The following RGS6 variants were observed in gnomAD, a reference collection of about 807,000 sequenced individuals.
The protein encoded by RGS6 is regulator of G protein signaling 6.
RGS6 carries 30 observed loss-of-function variants against 78.5 expected under a neutral mutation model. That is an observed-to-expected ratio of 0.38 (90% CI 0.29 to 0.52). The LOEUF is 0.52. RGS6 is among the 20% of genes least tolerant of loss of function. RGS6 has a pLI of 0.85. For missense variants in RGS6, 495 were observed against 609.7 expected, an observed-to-expected ratio of 0.81 and a Z score of 1.98; for synonymous variants, 206 against 206.0, an observed-to-expected ratio of 1.00 and a Z score of 0.00.
At chr14:72,560,309 G>C (rs1403124447) in intron 17 of RGS6, among the ~76,000 whole-genome samples, 1 of 152,196 alleles carries the variant, frequency 6.6e-6, no homozygotes, top group Non-Finnish European at 1.5e-5. Flanking sequence ...CTTCCTTTGT[G>C]CCTTTCATAG....
At chr14:72,585,055 C>CA in the RGS6 span, among the ~76,000 whole-genome samples, 18,442 of 148,386 alleles carry the variant, frequency 0.12, 3,304 homozygotes, top group African/African-American at 0.39. Flanking sequence ...TCTTCATTTC[C>CA]AAAAAAAAAT....
chr14:72,096,081 C>A (rs1450112202), intron 2 of RGS6, among the ~76,000 whole-genome samples: 1 of 151,980 alleles, frequency 6.6e-6, no homozygotes, highest in African/African-American at 2.4e-5. Context: ...CCAGCCTGGC[C>A]AACATGGTGA....
chr14:72,373,846 A>G (rs1165678708), intron 3 of RGS6, among the ~76,000 whole-genome samples: 1 of 152,050 alleles, frequency 6.6e-6, no homozygotes, highest in African/African-American at 2.4e-5. Flanking sequence ...CTCAGTAAAG[A>G]TTTAATGATG....
chr14:72,473,270 C>G (rs1375166296), intron 9 of RGS6, among the ~76,000 whole-genome samples: 1 of 152,126 alleles, frequency 6.6e-6, no homozygotes, highest in Non-Finnish European at 1.5e-5. Flanking sequence ...GGTGAAACCC[C>G]GTCGCTACTA....
intron 17 of RGS6, chr14:72,550,555 C>A: frequency 6.5e-7 from 1 of 1,535,668 alleles, no homozygotes. Flanking sequence ...ACACTTAACC[C>A]AACCTTGTAA....
At chr14:72,503,315 C>G (rs906299869) in intron 13 of RGS6, among the ~76,000 whole-genome samples, 5 of 152,180 alleles carry the variant, frequency 3.3e-5, no homozygotes, top group African/African-American at 1.2e-4. Flanking sequence ...CTCAAGATCC[C>G]CAGAATTTAT....
chr14:71,999,698 T>G (rs1196555549), intron 2 of RGS6, among the ~76,000 whole-genome samples: 1 of 152,126 alleles, frequency 6.6e-6, no homozygotes, highest in Non-Finnish European at 1.5e-5. Flanking sequence ...TGTTTAAAAG[T>G]GTGTAGCACT....
intron 1 of RGS6, among the ~76,000 whole-genome samples, chr14:71,935,529 G>T (rs2088961728): frequency 6.6e-6 from 1 of 152,076 alleles, no homozygotes; most frequent in African/African-American, 2.4e-5. Flanking sequence ...TTTTACTGGT[G>T]GTCCTTATTT....
At chr14:72,414,158 G>A (rs1047302492) in intron 3 of RGS6, among the ~76,000 whole-genome samples, 31 of 152,218 alleles carry the variant, frequency 2.0e-4, no homozygotes, top group Non-Finnish European at 2.6e-4. Context: ...ATATCCTGCA[G>A]AGTGTTTTCC....
At chr14:72,317,152 T>G (rs2070515501) in intron 2 of RGS6, among the ~76,000 whole-genome samples, 1 of 152,066 alleles carries the variant, frequency 6.6e-6, no homozygotes, top group Admixed American at 6.6e-5. Context: ...CATATATGAT[T>G]GAGGATAAGA....
chr14:72,122,598 C>T (rs1221367954), intron 2 of RGS6, among the ~76,000 whole-genome samples: 2 of 152,120 alleles, frequency 1.3e-5, no homozygotes, highest in African/African-American at 2.4e-5. Flanking sequence ...ATTTCCCTCA[C>T]CAGGAGGTTC....
At chr14:72,354,212 A>G (rs1016941393) in intron 3 of RGS6, among the ~76,000 whole-genome samples, 1 of 152,128 alleles carries the variant, frequency 6.6e-6, no homozygotes, top group Non-Finnish European at 1.5e-5. Flanking sequence ...ACAGAAATTC[A>G]TGTCTCACAG....
At chr14:72,578,616 G>A in the RGS6 span, among the ~76,000 whole-genome samples, 1 of 152,200 alleles carries the variant, frequency 6.6e-6, no homozygotes, top group African/African-American at 2.4e-5. Flanking sequence ...TCAGGCACTG[G>A]GGTAGTGTTG....
At chr14:72,552,015 TATG>T (rs1466507081) in intron 17 of RGS6, among the ~76,000 whole-genome samples, 10 of 152,376 alleles carry the variant, frequency 6.6e-5, no homozygotes, top group Admixed American at 1.3e-4. Context: ...GTTTCATCAT[TATG>T]ATATTATTTG....
chr14:72,587,087 T>C, the RGS6 span, among the ~76,000 whole-genome samples: 1 of 152,054 alleles, frequency 6.6e-6, no homozygotes, highest in African/African-American at 2.4e-5. Flanking sequence ...CCAAGCATGG[T>C]TTTCACCTAT....
intron 3 of RGS6, among the ~76,000 whole-genome samples, chr14:72,386,636 G>A (rs2088158801): frequency 6.6e-6 from 1 of 152,188 alleles, no homozygotes; most frequent in South Asian, 2.1e-4. Context: ...CAAGGGGCAG[G>A]AGCTCAGATG....
chr14:71,899,849 G>T, the RGS6 span, among the ~76,000 whole-genome samples: 1 of 144,974 alleles, frequency 6.9e-6, no homozygotes, highest in Middle Eastern at 3.2e-3. Context: ...GAGATTTTAA[G>T]TTTAACAGTT....
At chr14:72,163,913 G>T (rs1030088374) in intron 2 of RGS6, among the ~76,000 whole-genome samples, 3 of 150,912 alleles carry the variant, frequency 2.0e-5, no homozygotes, top group African/African-American at 7.3e-5. Flanking sequence ...AGTTGTGGAA[G>T]CTTTGAAATC....
In RGS6 at chr14:72,209,812, T is replaced by C. The variant is rs2043617571; in HGVS notation, c.85-142283T>C. 1.3e-5 allele frequency among the ~76,000 whole-genome samples: 2 copies of C among 152,200 alleles called. 1 individual carries two copies. The highest frequency in any genetic ancestry group is 4.1e-4 in the South Asian group (2 of 4,828). On this transcript the variant is annotated intron_variant, in intron 2 of 17. Coordinates refer to ENST00000553525, the MANE Select transcript of RGS6 (RefSeq NM_001204424.2). ...TATAACTAATTCGTATTGTTTTAGGTTAGTTTCTCAGAGCATAAGAATGAA... is the reference window on the plus strand; with the variant it reads ...TATAACTAATTCGTATTGTTTTAGGCTAGTTTCTCAGAGCATAAGAATGAA...
Sources: gnomAD v4.1 joint callset for allele counts (sites outside exome capture counted in the v4.1 genomes callset) on GRCh38, gnomAD v4.1.1 for gene constraint, MANE v1.5 for transcripts, NCBI Gene and HGNC (gene_info 2026-07-23, HGNC 2026-07-21) for gene names.